FGGY: variants seen among roughly 807,000 people sequenced by gnomAD.
The protein encoded by FGGY is FGGY carbohydrate kinase domain-containing protein.
FGGY carries 72 observed loss-of-function variants against 71.3 expected under a neutral mutation model. That is an observed-to-expected ratio of 1.01 (90% confidence interval 0.84 to 1.23). The LOEUF (loss-of-function observed/expected upper bound fraction) is 1.23, where lower values mean the gene tolerates loss of function less well. FGGY is among the 50% of genes most tolerant of loss of function. The pLI is 0.00. For synonymous variants in FGGY, 251 were observed against 250.3 expected, an observed-to-expected ratio of 1.00 and a Z score of -0.02; for missense variants, 668 against 682.3, an observed-to-expected ratio of 0.98 and a Z score of 0.23.
chr1:59,504,325 C>T (rs939326050), intron 6 of FGGY, among the ~76,000 whole-genome samples: 1 of 152,158 alleles, frequency 6.6e-6, no homozygotes, highest in African/African-American at 2.4e-5. Context: ...ATTAATCAAA[C>T]CCAAAGACAG....
At chr1:59,580,737 C>T (rs949889712) in intron 8 of FGGY, among the ~76,000 whole-genome samples, 8 of 152,092 alleles carry the variant, frequency 5.3e-5, no homozygotes, top group African/African-American at 9.7e-5. Flanking sequence ...TCTATTCTAC[C>T]GCATGTATTT....
At chr1:59,577,119 G>A (rs138411553) in intron 8 of FGGY, among the ~76,000 whole-genome samples, 132 of 152,082 alleles carry the variant, frequency 8.7e-4, no homozygotes, top group Middle Eastern at 3.4e-3. Flanking sequence ...TCATTTTGCC[G>A]CCATCCTTAC....
intron 14 of FGGY, among the ~76,000 whole-genome samples, chr1:59,678,633 T>C (rs560909427): frequency 6.6e-5 from 10 of 152,296 alleles, no homozygotes; most frequent in African/African-American, 2.4e-4. Flanking sequence ...TCTGTTTCCT[T>C]CAGGCCCCCT....
intron 3 of FGGY, among the ~76,000 whole-genome samples, chr1:59,342,873 A>G (rs138551715): frequency 6.6e-6 from 1 of 152,342 alleles, no homozygotes; most frequent in Non-Finnish European, 1.5e-5. Context: ...CAATAGTTTA[A>G]GAAAATTCAG....
At position 59,456,952 on chromosome 1, in the gene FGGY, T is replaced by C. The variant is rs149227202; in HGVS notation, c.555-9T>C. ...GTCAGTTCTATCTATATCTCTTCTA[T>C]TTTCTTAGGTCTCTCTGCTCCCTGG... On this transcript the variant is annotated splice_polypyrimidine_tract_variant and intron_variant, in intron 5 of 15. Coordinates refer to ENST00000303721, the MANE Select transcript of FGGY (RefSeq NM_018291.5). 3.0e-4 allele frequency: 483 copies of C among 1,604,830 alleles called. 4 individuals are homozygous for C. The East Asian group carries it at 8.3e-3, about 28-fold the overall frequency.
intron 1 of FGGY, among the ~76,000 whole-genome samples, chr1:59,315,047 GAGGTCTCTCC>G (rs1214818085): frequency 6.6e-6 from 1 of 152,186 alleles, no homozygotes; most frequent in Non-Finnish European, 1.5e-5. Flanking sequence ...TGGGGCTCTT[GAGGTCTCTCC>G]AGTTGGTGAC....
At chr1:59,542,510 A>C (rs1354064913) in intron 7 of FGGY, among the ~76,000 whole-genome samples, 2 of 114,660 alleles carry the variant, frequency 1.7e-5, no homozygotes, top group African/African-American at 6.7e-5. Context: ...CCCAGGCTGG[A>C]GTGCGATGGC....
At chr1:59,297,212 G>A (rs2042074467) in intron 1 of FGGY, 62 bp downstream of exon 1, 3 of 152,670 alleles carry the variant, frequency 2.0e-5, no homozygotes, top group African/African-American at 7.2e-5. Context: ...GCATCCCCAA[G>A]GCTGCCTATT....
chr1:59,642,992 G>T (rs1021932319), intron 11 of FGGY, among the ~76,000 whole-genome samples: 1 of 143,256 alleles, frequency 7.0e-6, no homozygotes, highest in Admixed American at 7.3e-5. Flanking sequence ...CCAAGATCAC[G>T]CCACTGCACT....
intron 5 of FGGY, among the ~76,000 whole-genome samples, chr1:59,405,845 C>T (rs1164723581): frequency 1.3e-5 from 2 of 152,070 alleles, no homozygotes; most frequent in Admixed American, 6.5e-5. Context: ...ACCTGCTCTG[C>T]TCTCTGGTGC....
At position 59,581,889 on chromosome 1, in the gene FGGY, G is replaced by A. The variant is rs576147231; in HGVS notation, c.904-25914G>A. Among the ~76,000 whole-genome samples the A allele has an allele frequency of 5.3e-5, 8 of 149,834 alleles. No homozygotes were observed. The South Asian group carries it at 1.3e-3, about 24-fold the overall frequency. On this transcript the variant is annotated intron_variant, in intron 8 of 15. Coordinates refer to ENST00000303721, the MANE Select transcript of FGGY (RefSeq NM_018291.5). ...GAGCTTAAGTGATCTTTCAGGGACC[G>A]ATATGTTTAGCTATCAACTCTGTAA... is the stretch of plus-strand genomic sequence containing the variant.
At chr1:59,746,999 T>G (rs1440175714) in intron 14 of FGGY, among the ~76,000 whole-genome samples, 3 of 152,244 alleles carry the variant, frequency 2.0e-5, no homozygotes, top group Non-Finnish European at 4.4e-5. Context: ...TAGGCCATAG[T>G]AAGTACTCAA....
At chr1:59,519,760 A>G (rs549725416) in intron 7 of FGGY, among the ~76,000 whole-genome samples, 9 of 152,350 alleles carry the variant, frequency 5.9e-5, no homozygotes, top group East Asian at 1.9e-4. Context: ...CGATAAGCCT[A>G]CAAGGTAGAG....
At chr1:59,363,346 A>G (rs920190810) in intron 4 of FGGY, among the ~76,000 whole-genome samples, 36 of 152,352 alleles carry the variant, frequency 2.4e-4, no homozygotes, top group Middle Eastern at 6.8e-3. Context: ...TGAAAGTGAC[A>G]TTCTAAGTAA....
chr1:59,688,407 CAA>C (rs1255057586), intron 14 of FGGY, among the ~76,000 whole-genome samples: 1 of 152,172 alleles, frequency 6.6e-6, no homozygotes, highest in African/African-American at 2.4e-5. Context: ...ATCTGTTCCT[CAA>C]AGTTTTCTAA....
chr1:59,499,157 A>G lies in FGGY; in HGVS notation c.671-13154A>G, dbSNP rs544283498. ...TGGTGCCAGAGCTGTTGCATGTATCACCCCTGGACACTTTCTTCTCTGCTT... is the reference window on the plus strand; with the variant it reads ...TGGTGCCAGAGCTGTTGCATGTATCGCCCCTGGACACTTTCTTCTCTGCTT... On this transcript the variant is annotated intron_variant, in intron 6 of 15. Coordinates refer to ENST00000303721, the MANE Select transcript of FGGY (RefSeq NM_018291.5). 1.6e-4 allele frequency among the ~76,000 whole-genome samples: 24 copies of G among 152,100 alleles called. 1 individual carries two copies. In the South Asian group the frequency reaches 3.7e-3, roughly 24 times the overall value.
At chr1:59,387,198 C>CA (rs1194978609) in intron 5 of FGGY, among the ~76,000 whole-genome samples, 4 of 152,048 alleles carry the variant, frequency 2.6e-5, no homozygotes, top group Non-Finnish European at 5.9e-5. Flanking sequence ...ATCTCAAATA[C>CA]AAAACCATTA....
chr1:59,384,968 TAC>T (rs1467349651), intron 5 of FGGY, among the ~76,000 whole-genome samples: 3 of 152,170 alleles, frequency 2.0e-5, no homozygotes, highest in Non-Finnish European at 4.4e-5. Flanking sequence ...ATTTGGCTCT[TAC>T]ATGTGATTAT....
At chr1:59,401,585 G>T (rs1327185521) in intron 5 of FGGY, among the ~76,000 whole-genome samples, 2 of 152,198 alleles carry the variant, frequency 1.3e-5, no homozygotes, top group Non-Finnish European at 2.9e-5. Flanking sequence ...GGAAAATGTT[G>T]TGAGGCAGAG....
Sources: allele counts gnomAD v4.1 joint callset (sites outside exome capture counted in the v4.1 genomes callset), GRCh38; gene constraint gnomAD v4.1.1; transcripts MANE v1.5; gene names NCBI Gene and HGNC (gene_info 2026-07-23, HGNC 2026-07-21).